Variants in ZFPM1 observed in about 807,000 individuals in gnomAD.
The protein encoded by ZFPM1 is zinc finger protein, FOG family member 1, also known as zinc finger protein ZFPM1.
Under a neutral mutation model 46.3 loss-of-function variants are expected in ZFPM1, and 28 were observed. The ratio of observed to expected loss-of-function variants is 0.60; its 90% CI spans 0.45 to 0.83. The LOEUF (loss-of-function observed/expected upper bound fraction) is 0.83. Ranked by LOEUF, ZFPM1 falls within the 40% of genes least tolerant of loss-of-function variation. The pLI is 0.00. For synonymous variants in ZFPM1, 957 were observed against 675.9 expected (o/e 1.42, Z -6.45); for missense variants, 1,878 against 1,432.4 (o/e 1.31, Z -5.02).
At chr16:88,455,413 A>G (rs1597222810) in intron 1 of ZFPM1, among the ~76,000 whole-genome samples, 1 of 152,088 alleles carries the variant, frequency 6.6e-6, no homozygotes, top group Non-Finnish European at 1.5e-5. Context: ...CGAGGAAGGC[A>G]GGGCCGCGGA....
intron 1 of ZFPM1, among the ~76,000 whole-genome samples, chr16:88,459,564 C>G (rs1410251143): frequency 8.5e-6 from 1 of 117,346 alleles, no homozygotes; most frequent in African/African-American, 3.2e-5. Flanking sequence ...TCTCTTCATT[C>G]CCCCCTCCTC....
In ZFPM1 at chr16:88,489,084, G is replaced by T. The variant is rs772339345; in HGVS notation, c.199G>T (p.Glu67Ter). 1.9e-6 allele frequency: 3 copies of T among 1,613,182 alleles called. No homozygotes were observed. Among genetic ancestry groups the T allele is most frequent in the Non-Finnish European group, 2.5e-6 (3 of 1,179,818 alleles). The change falls in exon 3 of 10, where the codon GAG becomes TAG. Residue 67 changes from glutamate (E) to a stop codon, truncating the protein, a stop_gained. Coordinates refer to ENST00000319555, the MANE Select transcript of ZFPM1 (RefSeq NM_153813.3). LOFTEE classifies it high-confidence loss of function. ...CCCCACATCCCCAGGAGGCCCCAAG[G>T]AGCTGGAAGGACAGGAACCAGAACC... ...PPPTSPGGPK[E>*]LEGQEPEPRP...
rs1287408663 is a variant in ZFPM1, at chr16:88,535,942, A to C, written c.*963A>C. 6.6e-6 allele frequency: 1 copy of C among 151,800 alleles called. No individual in the cohort carries two copies. The highest frequency in any genetic ancestry group is 2.4e-5 in the African/African-American group (1 of 41,314). The allele number at this position is 151,800 out of a possible 1,614,324, so 9.4% of individuals were successfully genotyped here. On this transcript the variant is annotated 3_prime_UTR_variant, in exon 10 of 10. Transcript: ENST00000319555. ...TGCTTTCTCACTGGAGAACAAAAAC[A>C]CTCTTCTATTCCCAACGTCACTTTA...
At chr16:88,460,838 G>A (rs1252701816) in intron 1 of ZFPM1, among the ~76,000 whole-genome samples, 3 of 152,068 alleles carry the variant, frequency 2.0e-5, no homozygotes, top group African/African-American at 2.4e-5. Context: ...TCCTACTCCC[G>A]TGGGCCTCGG....
In ZFPM1 at chr16:88,497,259, C is replaced by T. The variant is rs989987783; in HGVS notation, c.268+8106C>T. ...GATGGGAGGGGCGGCAGGTGGACGG[C>T]CCCAGCCCCAGCCCCAGCCCCAGCC... On this transcript the variant is annotated intron_variant, in intron 3 of 9. Transcript: ENST00000319555. The surrounding 1 kb of genome is among the most constrained non-coding windows in gnomAD (Gnocchi z 5.4). Among the ~76,000 whole-genome samples the T allele has an allele frequency of 7.4e-6, 1 of 135,912 alleles. No homozygotes were observed. Among genetic ancestry groups the T allele is most frequent in the Non-Finnish European group, 1.5e-5 (1 of 67,880 alleles). 89.2% of individuals were successfully genotyped at this position (135,912 alleles called of 152,430 possible).
rs765544564 is a variant in ZFPM1, at chr16:88,528,121, G to A, written c.595G>A (p.Gly199Ser). The change falls in exon 6 of 10, where the codon GGC becomes AGC. Residue 199 changes from glycine to serine, a missense_variant. Coordinates refer to ENST00000319555, the MANE Select transcript of ZFPM1 (RefSeq NM_153813.3). ...CACGGCCGAGCCCCACAGCACCCCCGGCCACCCTGTGAAGAAGGAGCCAGC... is the reference window on the plus strand; with the variant it reads ...CACGGCCGAGCCCCACAGCACCCCCAGCCACCCTGTGAAGAAGGAGCCAGC... ...LLTAEPHSTP[G>S]HPVKKEPAEP... 73 of 1,592,406 alleles carry A rather than the reference G, an allele frequency of 4.6e-5. No individual in the cohort carries two copies. The highest frequency in any genetic ancestry group is 5.5e-5 in the Non-Finnish European group (64 of 1,171,166).
At position 88,535,067 on chromosome 16, in the gene ZFPM1, T is replaced by C; in HGVS notation, c.*88T>C. 2 of 1,333,028 alleles carry C rather than the reference T, an allele frequency of 1.5e-6. No individual in the cohort carries two copies. The highest frequency in any genetic ancestry group is 2.0e-5 in the South Asian group (1 of 50,510). The allele number at this position is 1,333,028 out of a possible 1,614,324, so 82.6% of individuals were successfully genotyped here. The stretch of plus-strand genomic sequence containing the variant: ...CCCAGGCCGCACGGACTGCCGCTCC[T>C]GGGAACCCCGCCACGCACAGGCCTC... On this transcript the variant is annotated 3_prime_UTR_variant, in exon 10 of 10. Coordinates refer to ENST00000319555, the MANE Select transcript of ZFPM1 (RefSeq NM_153813.3).
intron 4 of ZFPM1, 87 bp from the exon 5 acceptor site, chr16:88,526,727 T>C (rs1912353819): frequency 7.1e-7 from 1 of 1,414,344 alleles, no homozygotes; most frequent in African/African-American, 1.4e-5. Context: ...GGCAGATCCG[T>C]GTCACAGATG....
chr16:88,523,098 C>T (rs765729069), intron 4 of ZFPM1, among the ~76,000 whole-genome samples: 7 of 151,536 alleles, frequency 4.6e-5, no homozygotes, highest in Admixed American at 3.3e-4. Context: ...CCCAGCTACT[C>T]GGGAGGCTGA....
rs73250217 is a variant in ZFPM1, at chr16:88,521,307, G to A, written c.403-5507G>A. The stretch of plus-strand genomic sequence containing the variant: ...GGCCTGACTCAGCTCCCCAAGCCCA[G>A]CCTTCCCCTCCTATGAGATCAGGTT... On this transcript the variant is annotated intron_variant, in intron 4 of 9. Transcript: ENST00000319555. Among the ~76,000 whole-genome samples, 488 of 151,014 alleles carry A rather than the reference G, an allele frequency of 3.2e-3. 4 individuals carry two copies. Among genetic ancestry groups the A allele is most frequent in the Middle Eastern group, 0.011 (3 of 284 alleles).
intron 4 of ZFPM1, among the ~76,000 whole-genome samples, chr16:88,515,402 G>T (rs1207871253): frequency 6.6e-6 from 1 of 152,248 alleles, no homozygotes; most frequent in Non-Finnish European, 1.5e-5. Flanking sequence ...CCCCAGGCAG[G>T]CCCCTGCCCA....
At chr16:88,457,378 G>A (rs1037976231) in intron 1 of ZFPM1, among the ~76,000 whole-genome samples, 2 of 152,250 alleles carry the variant, frequency 1.3e-5, no homozygotes, top group African/African-American at 4.8e-5. Context: ...TGACCCTGGT[G>A]CTGAACCACA....
chr16:88,499,797 C>T (rs1217245882), intron 3 of ZFPM1, among the ~76,000 whole-genome samples: 1 of 152,188 alleles, frequency 6.6e-6, no homozygotes, highest in East Asian at 1.9e-4. Context: ...AGCCCACAGG[C>T]CTGCCTCCCA....
At chr16:88,492,192 TC>T (rs1909620706) in intron 3 of ZFPM1, among the ~76,000 whole-genome samples, 1 of 151,752 alleles carries the variant, frequency 6.6e-6, no homozygotes, top group Admixed American at 6.6e-5. Flanking sequence ...TCTTTCTCTC[TC>T]TCTCTCTCTG....
intron 1 of ZFPM1, among the ~76,000 whole-genome samples, chr16:88,472,711 C>A (rs1222925374): frequency 1.3e-5 from 2 of 152,234 alleles, no homozygotes; most frequent in African/African-American, 4.8e-5. Context: ...TTAACCCTTT[C>A]CCGTGTACAG....
chr16:88,466,929 C>A lies in ZFPM1; in HGVS notation c.40+13251C>A, dbSNP rs558540758. Reference sequence around the variant, plus strand: ...GCAGAAGTGGGTAAAGCATCTGGGGCCCTTGTGCGGCAGGGCTCAGTGAAC... The same window carrying A: ...GCAGAAGTGGGTAAAGCATCTGGGGACCTTGTGCGGCAGGGCTCAGTGAAC... On this transcript the variant is annotated intron_variant, in intron 1 of 9. Transcript: ENST00000319555. Among the ~76,000 whole-genome samples the A allele has an allele frequency of 7.6e-4, 116 of 152,152 alleles. 1 individual carries two copies. The highest frequency in any genetic ancestry group is 2.6e-3 in the African/African-American group (108 of 41,480).
At chr16:88,452,789 G>A (rs1907332589), upstream of ZFPM1, among the ~76,000 whole-genome samples, 1 of 152,192 alleles carries the variant, frequency 6.6e-6, no homozygotes, top group Admixed American at 6.5e-5. Context: ...CAACCAGGTC[G>A]GGTCAGGTTT....
upstream of ZFPM1, among the ~76,000 whole-genome samples, chr16:88,452,798 T>G (rs1433604165): frequency 6.6e-6 from 1 of 150,944 alleles, no homozygotes; most frequent in African/African-American, 2.4e-5. Flanking sequence ...CGGGTCAGGT[T>G]TGGAGGCGGA....
chr16:88,532,291 T>TC, intron 7 of ZFPM1, 56 bp downstream of exon 7: 1 of 1,488,308 alleles, frequency 6.7e-7, no homozygotes, highest in Non-Finnish European at 9.1e-7. Context: ...CCCCACCCAG[T>TC]CCCGCAGGCC....
Sources: allele counts gnomAD v4.1 joint callset (sites outside exome capture counted in the v4.1 genomes callset), GRCh38; gene constraint gnomAD v4.1.1; non-coding constraint Gnocchi (gnomAD v3.1); transcripts MANE v1.5; gene names NCBI Gene and HGNC (gene_info 2026-07-23, HGNC 2026-07-21).